The following ROBO1 variants were observed in gnomAD, a reference collection of about 807,000 sequenced individuals.
The protein encoded by ROBO1 is roundabout homolog 1.
ROBO1 carries 149 observed loss-of-function variants against 195.9 expected under a neutral mutation model. The observed-to-expected ratio is 0.76, with a 90% CI of 0.67 to 0.87. ROBO1 has a LOEUF of 0.87. ROBO1 is among the 40% of genes least tolerant of loss of function. The probability of loss-of-function intolerance (pLI) is 0.00; values close to 1 mark genes in which losing one functional copy is unlikely to be tolerated. For synonymous variants in ROBO1, 816 were observed against 733.2 expected (o/e 1.11, Z -1.82); for missense variants, 1,933 against 2,068.3 (o/e 0.93, Z 1.27).
intron 1 of ROBO1, among the ~76,000 whole-genome samples, chr3:79,610,934 T>C (rs1023043558): frequency 6.6e-6 from 1 of 152,128 alleles, no homozygotes; most frequent in Non-Finnish European, 1.5e-5. Context: ...TTTATCTCAC[T>C]TGCAGAATTA....
At chr3:78,757,940 T>C (rs1164944536) in intron 4 of ROBO1, among the ~76,000 whole-genome samples, 2 of 152,184 alleles carry the variant, frequency 1.3e-5, no homozygotes, top group Admixed American at 1.3e-4. Flanking sequence ...TTCAAAATAA[T>C]AATGCCAAAT....
chr3:79,560,558 T>TATAC (rs5850439), intron 2 of ROBO1, among the ~76,000 whole-genome samples: 2,948 of 129,546 alleles, frequency 0.023, 56 homozygotes, highest in African/African-American at 0.03. Context: ...TATATATATA[T>TATAC]ACACATACAC....
intron 2 of ROBO1, among the ~76,000 whole-genome samples, chr3:79,255,468 T>C (rs1482710944): frequency 1.3e-5 from 2 of 152,206 alleles, no homozygotes; most frequent in African/African-American, 2.4e-5. Context: ...ATTGTTCTTG[T>C]AGGTGATTTT....
At chr3:79,107,290 A>G (rs939380083) in intron 3 of ROBO1, among the ~76,000 whole-genome samples, 2 of 151,728 alleles carry the variant, frequency 1.3e-5, no homozygotes, top group African/African-American at 2.4e-5. Context: ...CCCTTTTGTG[A>G]TAATATTGGC....
intron 2 of ROBO1, among the ~76,000 whole-genome samples, chr3:79,489,479 C>A (rs1939337589): frequency 6.6e-6 from 1 of 151,804 alleles, no homozygotes; most frequent in South Asian, 2.1e-4. Flanking sequence ...CATGGTGAAA[C>A]CCCGTCTCTA....
At chr3:79,664,815 C>A (rs1469337896) in intron 1 of ROBO1, among the ~76,000 whole-genome samples, 4 of 151,890 alleles carry the variant, frequency 2.6e-5, no homozygotes, top group Non-Finnish European at 5.9e-5. Flanking sequence ...AATAAATATT[C>A]AATGCCTTCC....
At chr3:78,654,265 T>C (rs1443397736) in intron 18 of ROBO1, among the ~76,000 whole-genome samples, 2 of 152,166 alleles carry the variant, frequency 1.3e-5, no homozygotes, top group African/African-American at 2.4e-5. Flanking sequence ...TCTCATGTTG[T>C]ATGAGTGTGT....
intron 2 of ROBO1, among the ~76,000 whole-genome samples, chr3:79,463,645 T>C (rs62257572): frequency 0.062 from 9,435 of 152,222 alleles, 537 homozygotes; most frequent in East Asian, 0.19. Context: ...CCGAAAAAGA[T>C]GGTACAAATC....
At chr3:79,462,177 A>C (rs1464597587) in intron 2 of ROBO1, among the ~76,000 whole-genome samples, 1 of 152,128 alleles carries the variant, frequency 6.6e-6, no homozygotes, top group African/African-American at 2.4e-5. Context: ...GAGAACCCTC[A>C]TTCACCTCAG....
At chr3:78,788,094 C>G (rs72892501) in intron 4 of ROBO1, among the ~76,000 whole-genome samples, 2 of 150,436 alleles carry the variant, frequency 1.3e-5, no homozygotes, top group Admixed American at 6.6e-5. Context: ...CGCCTGCCAC[C>G]GCGCCCGACT....
intron 2 of ROBO1, among the ~76,000 whole-genome samples, chr3:79,548,071 C>G (rs969962574): frequency 6.6e-6 from 1 of 152,134 alleles, no homozygotes; most frequent in Non-Finnish European, 1.5e-5. Context: ...AAGCACCCAT[C>G]GTCATTCCTG....
chr3:79,090,084 C>T (rs1466274137), intron 3 of ROBO1, among the ~76,000 whole-genome samples: 1 of 151,866 alleles, frequency 6.6e-6, no homozygotes, highest in Non-Finnish European at 1.5e-5. Flanking sequence ...GGACTACAGG[C>T]ATGCACCACC....
intron 3 of ROBO1, among the ~76,000 whole-genome samples, chr3:79,057,869 G>A (rs936751501): frequency 1.1e-4 from 17 of 151,998 alleles, no homozygotes; most frequent in Non-Finnish European, 2.4e-4. Context: ...ACAGATGACT[G>A]TTGCCCTGCT....
rs188152282 is a variant in ROBO1 at position 79,720,359 on chromosome 3, C to A, written c.-51+47393G>T. Among the ~76,000 whole-genome samples the A allele has an allele frequency of 2.6e-5, 4 of 152,258 alleles. No individual in the cohort carries two copies. The East Asian group carries it at 7.8e-4, about 30-fold the overall frequency. ...TAAGCTACTAGTAGCCTTTTGCCAA[C>A]ATCAACTGCCAGTCAAATTAGTGAG... On this transcript the variant is annotated intron_variant, in intron 1 of 30. Transcript: ENST00000464233.
chr3:78,701,730 T>C (rs942841122), intron 8 of ROBO1, among the ~76,000 whole-genome samples: 1 of 152,026 alleles, frequency 6.6e-6, no homozygotes. Context: ...TAAAACGGCC[T>C]ATCTATCAGG....
intron 1 of ROBO1, among the ~76,000 whole-genome samples, chr3:79,676,780 A>G (rs1484887490): frequency 6.6e-6 from 1 of 152,032 alleles, no homozygotes; most frequent in East Asian, 1.9e-4. Context: ...TTCATACTCA[A>G]GAGGTGACAG....
At chr3:78,926,825 T>C (rs964876826) in intron 4 of ROBO1, among the ~76,000 whole-genome samples, 1 of 152,090 alleles carries the variant, frequency 6.6e-6, no homozygotes, top group African/African-American at 2.4e-5. Context: ...GCCAGATGAA[T>C]AAGAGGAAAA....
intron 2 of ROBO1, among the ~76,000 whole-genome samples, chr3:79,212,036 T>G (rs2081974061): frequency 6.6e-6 from 1 of 152,218 alleles, no homozygotes; most frequent in South Asian, 2.1e-4. Context: ...AGGGATGGGC[T>G]CTGGCTAGTT....
intron 4 of ROBO1, among the ~76,000 whole-genome samples, chr3:78,852,448 G>C (rs2034127070): frequency 6.6e-6 from 1 of 152,072 alleles, no homozygotes; most frequent in African/African-American, 2.4e-5. Flanking sequence ...ACAGGAGACT[G>C]GCAATTCAGT....
Sources: allele counts gnomAD v4.1 joint callset (sites outside exome capture counted in the v4.1 genomes callset), GRCh38; gene constraint gnomAD v4.1.1; transcripts MANE v1.5; gene names NCBI Gene and HGNC (gene_info 2026-07-23, HGNC 2026-07-21).